RIGI: variants seen among roughly 807,000 people sequenced by gnomAD.
The protein encoded by RIGI is RNA sensor RIG-I, also known as antiviral innate immune response receptor RIG-I.
chr9:32,513,959 C>T, the RIGI span, among the ~76,000 whole-genome samples: 1 of 152,128 alleles, frequency 6.6e-6, no homozygotes, highest in African/African-American at 2.4e-5. Context: ...ATACCACGAA[C>T]AAACATATGA....
At chr9:32,472,885 T>TTA in the RIGI span, 6 of 611,324 alleles carry the variant, frequency 9.8e-6, no homozygotes, top group South Asian at 5.2e-5. Context: ...GAAATATATA[T>TTA]TATATATATA....
At chr9:32,488,853 A>G in the RIGI span, 9 of 1,610,630 alleles carry the variant, frequency 5.6e-6, no homozygotes, top group South Asian at 1.1e-5. Flanking sequence ...GATGATGTTC[A>G]CATATAAGCA....
At chr9:32,512,600 C>T in the RIGI span, among the ~76,000 whole-genome samples, 1 of 152,150 alleles carries the variant, frequency 6.6e-6, no homozygotes. Context: ...ATGACAAACC[C>T]ACAGCCAATA....
the RIGI span, among the ~76,000 whole-genome samples, chr9:32,495,011 C>G: frequency 6.6e-6 from 1 of 152,054 alleles, no homozygotes; most frequent in Non-Finnish European, 1.5e-5. Context: ...TCATCAATAC[C>G]TTGCTTTCAA....
chr9:32,502,880 C>T, the RIGI span, among the ~76,000 whole-genome samples: 2 of 152,246 alleles, frequency 1.3e-5, no homozygotes, highest in Admixed American at 1.3e-4. Flanking sequence ...GGACACCAGT[C>T]ATATTGAACT....
chr9:32,467,014 G>A, the RIGI span, among the ~76,000 whole-genome samples: 1 of 152,108 alleles, frequency 6.6e-6, no homozygotes, highest in Non-Finnish European at 1.5e-5. Flanking sequence ...AGATATAAAA[G>A]GTTATAGGCT....
chr9:32,508,239 A>ATTTTTTTTTTTTTTTTTTTTTTTTTTTT, the RIGI span, among the ~76,000 whole-genome samples: 197 of 70,324 alleles, frequency 2.8e-3, 55 homozygotes, highest in African/African-American at 3.8e-3. Context: ...TATTTACTTA[A>ATTTTTTTTTTTTTTTTTTTTTTTTTTTT]TTTTTTTTTT....
chr9:32,498,177 T>C, the RIGI span: 1 of 426,656 alleles, frequency 2.3e-6, no homozygotes, highest in Non-Finnish European at 4.8e-6. Flanking sequence ...GGCCAGTCTA[T>C]GAAGGATGTG....
the RIGI span, chr9:32,466,465 T>C: frequency 6.4e-7 from 1 of 1,568,376 alleles, no homozygotes; most frequent in Non-Finnish European, 8.6e-7. Context: ...AATATTTTAG[T>C]TGGTGTTTTT....
At chr9:32,475,188 G>A in the RIGI span, among the ~76,000 whole-genome samples, 12 of 152,098 alleles carry the variant, frequency 7.9e-5, no homozygotes, top group Non-Finnish European at 1.6e-4. Flanking sequence ...CTGACTTCAA[G>A]TGATCCGCCC....
the RIGI span, among the ~76,000 whole-genome samples, chr9:32,525,223 T>C: frequency 1.3e-5 from 2 of 152,220 alleles, no homozygotes; most frequent in East Asian, 3.9e-4. Context: ...GACCCCTTCT[T>C]CCAGATATAC....
At chr9:32,477,136 A>T in the RIGI span, 3 of 1,612,194 alleles carry the variant, frequency 1.9e-6, no homozygotes, top group Admixed American at 5.0e-5. Flanking sequence ...GCTTTTCTGC[A>T]AATGGGAAAC....
the RIGI span, among the ~76,000 whole-genome samples, chr9:32,521,095 A>G: frequency 4.1e-4 from 58 of 140,654 alleles, no homozygotes; most frequent in Non-Finnish European, 6.9e-4. Flanking sequence ...CAGTGAGCCA[A>G]GATCGCACCA....
the RIGI span, among the ~76,000 whole-genome samples, chr9:32,496,203 G>T: frequency 6.6e-6 from 1 of 152,070 alleles, no homozygotes; most frequent in Non-Finnish European, 1.5e-5. Context: ...TTTCTTCTAG[G>T]AGTTTTAATA....
At chr9:32,499,589 G>A in the RIGI span, among the ~76,000 whole-genome samples, 2 of 151,886 alleles carry the variant, frequency 1.3e-5, no homozygotes, top group Non-Finnish European at 2.9e-5. Context: ...CCGGGTAGCT[G>A]GGATTACAGG....
At chr9:32,500,881 T>C in the RIGI span, 1 of 1,614,092 alleles carries the variant, frequency 6.2e-7, no homozygotes, top group Non-Finnish European at 8.5e-7. Flanking sequence ...TGAGAAAAAG[T>C]GTGGCAGCCT....
chr9:32,506,033 A>G, the RIGI span, among the ~76,000 whole-genome samples: 1 of 152,210 alleles, frequency 6.6e-6, no homozygotes, highest in Non-Finnish European at 1.5e-5. Context: ...CCTGGCCAAC[A>G]TGGTGAAACC....
At chr9:32,466,323 A>G in the RIGI span, 1 of 1,613,762 alleles carries the variant, frequency 6.2e-7, no homozygotes, top group African/African-American at 1.3e-5. Context: ...CCCATGTCTG[A>G]AGGCGTAAAA....
the RIGI span, among the ~76,000 whole-genome samples, chr9:32,464,909 T>C: frequency 6.6e-6 from 1 of 152,286 alleles, no homozygotes; most frequent in South Asian, 2.1e-4. Context: ...CTTAACCCAT[T>C]TCCTCCTCAC....
Sources: gnomAD v4.1 joint callset for allele counts (sites outside exome capture counted in the v4.1 genomes callset) on GRCh38, gnomAD v4.1.1 for gene constraint, MANE v1.5 for transcripts, NCBI Gene and HGNC (gene_info 2026-07-23, HGNC 2026-07-21) for gene names.